NEBL: variants seen among roughly 807,000 people sequenced by gnomAD.
The protein encoded by NEBL is nebulette, also known as LIM and SH3 protein 2.
A neutral mutation model predicts 140.2 loss-of-function variants in NEBL; 122 were observed. The ratio of observed to expected loss-of-function variants is 0.87; its 90% CI spans 0.75 to 1.01. The LOEUF is 1.01. Ranked by LOEUF, NEBL falls within the 50% of genes least tolerant of loss-of-function variation. NEBL has a pLI of 0.00. For synonymous variants in NEBL, 436 were observed against 398.9 expected (o/e 1.09, Z -1.11); for missense variants, 1,365 against 1,231.3 (o/e 1.11, Z -1.62).
chr10:21,251,324 G>A (rs1006994108), intron 2 of NEBL, among the ~76,000 whole-genome samples: 1 of 152,158 alleles, frequency 6.6e-6, no homozygotes, highest in Non-Finnish European at 1.5e-5. Flanking sequence ...GGTAGCTGTG[G>A]CCAGGTCGGG....
chr10:20,851,221 T>C (rs1842477249), intron 10 of NEBL, among the ~76,000 whole-genome samples: 1 of 152,208 alleles, frequency 6.6e-6, no homozygotes, highest in Admixed American at 6.5e-5. Context: ...TAGAAGTTTT[T>C]ATACTTCATT....
At chr10:20,995,161 T>C (rs573802368) in intron 3 of NEBL, among the ~76,000 whole-genome samples, 1 of 152,088 alleles carries the variant, frequency 6.6e-6, no homozygotes, top group South Asian at 2.1e-4. Flanking sequence ...CAAGGGAAAA[T>C]GATCTTGAAA....
chr10:20,985,821 T>C (rs987714124), intron 3 of NEBL, among the ~76,000 whole-genome samples: 20 of 152,208 alleles, frequency 1.3e-4, no homozygotes, highest in African/African-American at 4.8e-4. Context: ...CCAGTGTGCA[T>C]CTCTATATAA....
At chr10:21,100,927 T>TGA (rs536595394) in intron 2 of NEBL, among the ~76,000 whole-genome samples, 69 of 152,344 alleles carry the variant, frequency 4.5e-4, no homozygotes, top group African/African-American at 1.6e-3. Flanking sequence ...ACAGTTTTTG[T>TGA]TTCTTTGTTT....
At chr10:20,890,163 G>T (rs1846909064) in intron 2 of NEBL, among the ~76,000 whole-genome samples, 1 of 152,150 alleles carries the variant, frequency 6.6e-6, no homozygotes, top group Non-Finnish European at 1.5e-5. Context: ...CTTTAGATAA[G>T]CGAGGGTCCA....
chr10:20,788,918 G>A (rs1324167187), intron 26 of NEBL, among the ~76,000 whole-genome samples: 1 of 152,124 alleles, frequency 6.6e-6, no homozygotes, highest in African/African-American at 2.4e-5. Context: ...CACTGTCTCT[G>A]CTCTCAGCAA....
intron 3 of NEBL, among the ~76,000 whole-genome samples, chr10:21,232,120 G>A (rs1394385166): frequency 6.6e-6 from 1 of 152,078 alleles, no homozygotes; most frequent in African/African-American, 2.4e-5. Context: ...AACTGCCACA[G>A]GGTTGTTGTT....
intron 13 of NEBL, among the ~76,000 whole-genome samples, chr10:20,837,486 T>C (rs1018119950): frequency 1.3e-5 from 2 of 152,124 alleles, no homozygotes; most frequent in Non-Finnish European, 1.5e-5. Flanking sequence ...GGTTGGTTCA[T>C]GAGGTTTAAG....
intron 2 of NEBL, 136 bp downstream of exon 2, chr10:20,896,822 C>T (rs1847538067): frequency 1.2e-6 from 1 of 842,644 alleles, no homozygotes; most frequent in East Asian, 2.4e-5. Context: ...AATTTCAGGA[C>T]TTTGTTCCAT....
At chr10:20,837,746 T>G (rs1018129991) in intron 13 of NEBL, among the ~76,000 whole-genome samples, 4 of 152,176 alleles carry the variant, frequency 2.6e-5, no homozygotes, top group Non-Finnish European at 5.9e-5. Context: ...CTTATTAGGG[T>G]CTAACACAGC....
chr10:20,834,712 C>T (rs1052537155), intron 14 of NEBL, among the ~76,000 whole-genome samples: 2 of 152,174 alleles, frequency 1.3e-5, no homozygotes, highest in Non-Finnish European at 2.9e-5. Flanking sequence ...ACCTGCACCC[C>T]GATTTTTTCT....
At position 21,042,831 on chromosome 10, in the gene NEBL, T is replaced by C. The variant is rs568382961; in HGVS notation, c.165-22630A>G. Among the ~76,000 whole-genome samples, 6 of 152,380 alleles carry C rather than the reference T, an allele frequency of 3.9e-5. No individual in the cohort carries two copies. In the South Asian group the frequency reaches 1.2e-3, roughly 32 times the overall value. On this transcript the variant is annotated intron_variant, in intron 2 of 6. Coordinates refer to the NEBL transcript ENST00000417816. ...ACATGATAAGAAGTACACATTCATTTTGATTAACAAAAACAAATGGCTTTC... is the reference window on the plus strand; with the variant it reads ...ACATGATAAGAAGTACACATTCATTCTGATTAACAAAAACAAATGGCTTTC...
At chr10:21,129,574 A>G (rs1015873249) in intron 2 of NEBL, among the ~76,000 whole-genome samples, 1 of 152,134 alleles carries the variant, frequency 6.6e-6, no homozygotes. Flanking sequence ...AGTGAAATGG[A>G]TGACAAAAAG....
chr10:21,102,541 A>G (rs1296656429), intron 2 of NEBL, among the ~76,000 whole-genome samples: 1 of 152,052 alleles, frequency 6.6e-6, no homozygotes, highest in Non-Finnish European at 1.5e-5. Context: ...ACAAATTACT[A>G]TTGTCTGGTT....
At chr10:20,796,248 A>G (rs1353306255) in intron 26 of NEBL, among the ~76,000 whole-genome samples, 1 of 151,726 alleles carries the variant, frequency 6.6e-6, no homozygotes, top group Non-Finnish European at 1.5e-5. Flanking sequence ...CCGTTATCCC[A>G]GCTTCTCAGG....
chr10:21,143,374 G>A (rs932900606), intron 2 of NEBL, among the ~76,000 whole-genome samples: 1 of 150,658 alleles, frequency 6.6e-6, no homozygotes, highest in African/African-American at 2.4e-5. Flanking sequence ...GCTTGAACCC[G>A]GGACGTGGAG....
intron 2 of NEBL, among the ~76,000 whole-genome samples, chr10:21,052,256 A>C: frequency 6.6e-6 from 1 of 152,206 alleles, no homozygotes; most frequent in Non-Finnish European, 1.5e-5. Flanking sequence ...AGCAGATGTC[A>C]CTTCATGAGT....
chr10:20,851,292 TAA>T (rs1339504708), intron 10 of NEBL, among the ~76,000 whole-genome samples: 2 of 152,134 alleles, frequency 1.3e-5, no homozygotes, highest in African/African-American at 2.4e-5. Flanking sequence ...AATTATTTCT[TAA>T]GTTATTAAAA....
At chr10:20,853,542 T>A (rs1489407497) in intron 9 of NEBL, among the ~76,000 whole-genome samples, 1 of 152,132 alleles carries the variant, frequency 6.6e-6, no homozygotes, top group East Asian at 1.9e-4. Context: ...TTATGTTAAG[T>A]GAAATAAGCC....
Sources: gnomAD v4.1 joint callset for allele counts (sites outside exome capture counted in the v4.1 genomes callset) on GRCh38, gnomAD v4.1.1 for gene constraint, MANE v1.5 for transcripts, NCBI Gene and HGNC (gene_info 2026-07-23, HGNC 2026-07-21) for gene names.